Variants in ITK observed in about 807,000 individuals in gnomAD.
ITK encodes the protein IL2 inducible T cell kinase.
Under a neutral mutation model 87.6 loss-of-function variants are expected in ITK, and 45 were observed. The observed-to-expected ratio is 0.51, with a 90% CI of 0.40 to 0.66. The LOEUF is 0.66. Among genes scored for constraint, ITK ranks in the 30% least tolerant of loss-of-function variants. The probability of loss-of-function intolerance (pLI) is 0.00; values close to 1 mark genes in which losing one functional copy is unlikely to be tolerated. For synonymous variants in ITK, 303 were observed against 273.6 expected, an observed-to-expected ratio of 1.11 and a Z score of -1.06; for missense variants, 605 against 766.3, an observed-to-expected ratio of 0.79 and a Z score of 2.48.
In ITK at chr5:157,217,862, T is replaced by C; in HGVS notation, c.455-5T>C. On this transcript the variant is annotated splice_region_variant and splice_polypyrimidine_tract_variant and intron_variant, in intron 4 of 16. Coordinates refer to ENST00000422843, the MANE Select transcript of ITK (RefSeq NM_005546.4). ...TTTTTTCTTTTCCTGTTTTTCTCTT[T>C]TCAGCTTCAAAGAAGCCTCTTCCTC... is the stretch of plus-strand genomic sequence containing the variant. The C allele has an allele frequency of 1.2e-6, 2 of 1,613,838 alleles. No individual in the cohort carries two copies. The highest frequency in any genetic ancestry group is 1.1e-5 in the South Asian group (1 of 91,056).
intron 8 of ITK, among the ~76,000 whole-genome samples, chr5:157,234,393 T>C (rs1451237326): frequency 6.6e-6 from 1 of 152,214 alleles, no homozygotes; most frequent in East Asian, 1.9e-4. Context: ...CTGGATAGAA[T>C]TGAATGACAT....
Position 157,252,783 on chromosome 5 carries a change from A to G in ITK, c.*105A>G. 1.1e-6 allele frequency: 1 copy of G among 892,010 alleles called. No individual in the cohort carries two copies. The highest frequency in any genetic ancestry group is 1.9e-6 in the Non-Finnish European group (1 of 533,004). 55.3% of individuals were successfully genotyped at this position (892,010 alleles called of 1,614,324 possible). On this transcript the variant is annotated 3_prime_UTR_variant, in exon 17 of 17. Coordinates refer to ENST00000422843, the MANE Select transcript of ITK (RefSeq NM_005546.4). Reference sequence around the variant, plus strand: ...CTGCCACCAGCCCAGGACCCTCCAGAGGCAGCCTGGCCTGTGGCATCAGTC... The same window carrying G: ...CTGCCACCAGCCCAGGACCCTCCAGGGGCAGCCTGGCCTGTGGCATCAGTC...
chr5:157,249,484 A>C (rs1023621201), intron 16 of ITK, among the ~76,000 whole-genome samples: 1 of 152,182 alleles, frequency 6.6e-6, no homozygotes, highest in Non-Finnish European at 1.5e-5. Context: ...TGGCTCATTT[A>C]CCCCAACCTT....
chr5:157,243,774 A>C lies in ITK; in HGVS notation c.1212A>C (p.Ile404=). The C allele has an allele frequency of 6.2e-7, 1 of 1,614,086 alleles. No homozygotes were observed. Among genetic ancestry groups the C allele is most frequent in the Non-Finnish European group, 8.5e-7 (1 of 1,179,956 alleles). The change falls in exon 12 of 17, where the codon ATA becomes ATC. Residue 404 remains isoleucine (I), a synonymous_variant. Coordinates refer to ENST00000422843, the MANE Select transcript of ITK (RefSeq NM_005546.4). ...GGGCTATGTCAGAAGAGGACTTCAT[A>C]GAGGAGGCTGAAGTAATGATGTGAG... is the stretch of plus-strand genomic sequence containing the variant. ...REGAMSEEDF[I]EEAEVMMKLS...
chr5:157,213,826 T>C (rs1178762209), intron 3 of ITK: 2 of 362,532 alleles, frequency 5.5e-6, no homozygotes, highest in East Asian at 6.9e-5. Context: ...GGGGTGGTAA[T>C]TCCACCTTCT....
intron 7 of ITK, among the ~76,000 whole-genome samples, chr5:157,230,085 T>C (rs2113765678): frequency 6.6e-6 from 1 of 152,312 alleles, no homozygotes; most frequent in Non-Finnish European, 1.5e-5. Flanking sequence ...TATGTAGATC[T>C]TAAATCTCAT....
At chr5:157,207,038 A>G (rs1019610538) in intron 1 of ITK, among the ~76,000 whole-genome samples, 3 of 152,160 alleles carry the variant, frequency 2.0e-5, no homozygotes, top group African/African-American at 4.8e-5. Context: ...TTTTAAAACA[A>G]AAAAACTAAT....
chr5:157,186,402 C>A (rs927920239), intron 1 of ITK, among the ~76,000 whole-genome samples: 3 of 149,838 alleles, frequency 2.0e-5, no homozygotes, highest in Admixed American at 2.0e-4. Flanking sequence ...GAGGCGGGCA[C>A]GATGGCCCAT....
intron 8 of ITK, among the ~76,000 whole-genome samples, chr5:157,237,391 T>A (rs1035311193): frequency 5.9e-5 from 9 of 152,192 alleles, no homozygotes; most frequent in Admixed American, 4.6e-4. Flanking sequence ...TTGGAAGGAA[T>A]GGAGAGTGGC....
chr5:157,236,218 A>G (rs1754772087), intron 8 of ITK, among the ~76,000 whole-genome samples: 1 of 152,122 alleles, frequency 6.6e-6, no homozygotes, highest in African/African-American at 2.4e-5. Flanking sequence ...TACTAAAAAT[A>G]CAAAAAATTA....
rs536290068 is a variant in ITK at position 157,207,377 on chromosome 5, C to CTTTTTTTTTTTTTTTTT, written c.139-1501_139-1485dup. The stretch of plus-strand genomic sequence containing the variant: ...CTTTATCACGTATCTAGATACGTCT[C>CTTTTTTTTTTTTTTTTT]TTTTTTTTTTTTTTTTTTTTTTTTT... On this transcript the variant is annotated intron_variant, in intron 1 of 16. Transcript: ENST00000422843. Among the ~76,000 whole-genome samples, 5 of 59,140 alleles carry CTTTTTTTTTTTTTTTTT rather than the reference C, an allele frequency of 8.5e-5. 1 individual carries two copies. The highest frequency in any genetic ancestry group is 1.9e-4 in the African/African-American group (3 of 15,788). 38.8% of individuals were successfully genotyped at this position (59,140 alleles called of 152,430 possible).
Position 157,209,873 on chromosome 5 carries a change from G to A in ITK, c.243+880G>A, listed in dbSNP as rs79585493. On this transcript the variant is annotated intron_variant, in intron 2 of 16. Transcript: ENST00000422843. ...CATGTTCAATAGCAGGACATGGCTG[G>A]CAGCTACTGTACTGAAACAGCACTG... Among the ~76,000 whole-genome samples, 65 of 152,188 alleles carry A rather than the reference G, an allele frequency of 4.3e-4. No homozygotes were observed. The East Asian group carries it at 0.011, about 25-fold the overall frequency.
intron 8 of ITK, among the ~76,000 whole-genome samples, chr5:157,233,822 A>G (rs1007322120): frequency 1.3e-5 from 2 of 150,406 alleles, no homozygotes; most frequent in Admixed American, 6.7e-5. Context: ...AACAGCCCAC[A>G]TTAATGACTT....
chr5:157,202,150 A>C (rs1753989216), intron 1 of ITK, among the ~76,000 whole-genome samples: 1 of 152,168 alleles, frequency 6.6e-6, no homozygotes, highest in South Asian at 2.1e-4. Context: ...GCTGCAAAGG[A>C]CACAATCTCA....
intron 1 of ITK, among the ~76,000 whole-genome samples, chr5:157,182,267 C>T (rs1326546798): frequency 6.6e-6 from 1 of 152,112 alleles, no homozygotes; most frequent in Admixed American, 6.6e-5. Flanking sequence ...TTGTTGGAGT[C>T]TGACTTAGTA....
chr5:157,234,825 C>A (rs36028699), intron 8 of ITK, among the ~76,000 whole-genome samples: 2,488 of 152,120 alleles, frequency 0.016, 28 homozygotes, highest in Non-Finnish European at 0.027. Flanking sequence ...AGGAGAAATA[C>A]CTAATGTAGA....
At position 157,222,910 on chromosome 5, in the gene ITK, C is replaced by T. The variant is rs145406639; in HGVS notation, c.543C>T (p.Asp181=). The T allele has an allele frequency of 1.9e-6, 3 of 1,614,092 alleles. No individual in the cohort carries two copies. Among genetic ancestry groups the T allele is most frequent in the African/African-American group, 1.3e-5 (1 of 75,024 alleles). ...PEETVVIALY[D]YQTNDPQELA... is the part of the protein sequence containing the mutation. ...AAACTGTGGTCATTGCCTTATATGACTACCAAACCAATGATCCTCAGGAAC... is the reference window on the plus strand; with the variant it reads ...AAACTGTGGTCATTGCCTTATATGATTACCAAACCAATGATCCTCAGGAAC... Residue 181 remains aspartate (D), a synonymous_variant, in exon 6 of 17, where the codon GAC becomes GAT. Transcript: ENST00000422843.
At chr5:157,193,472 T>A (rs1753790656) in intron 1 of ITK, among the ~76,000 whole-genome samples, 1 of 152,228 alleles carries the variant, frequency 6.6e-6, no homozygotes, top group South Asian at 2.1e-4. Context: ...CAATATTTAA[T>A]GAGTTCTCGC....
intron 2 of ITK, among the ~76,000 whole-genome samples, chr5:157,210,576 G>T (rs1754169864): frequency 6.7e-6 from 1 of 150,138 alleles, no homozygotes; most frequent in South Asian, 2.1e-4. Flanking sequence ...TAAGTTTTAG[G>T]GTACATGTGC....
Sources: gnomAD v4.1 joint callset for allele counts (sites outside exome capture counted in the v4.1 genomes callset) on GRCh38, gnomAD v4.1.1 for gene constraint, MANE v1.5 for transcripts, NCBI Gene and HGNC (gene_info 2026-07-23, HGNC 2026-07-21) for gene names.